Variants in DYRK1A observed in about 807,000 individuals in gnomAD.
The protein encoded by DYRK1A is dual specificity tyrosine phosphorylation regulated kinase 1A, also known as dual specificity tyrosine-phosphorylation-regulated kinase 1A.
A neutral mutation model predicts 79.7 loss-of-function variants in DYRK1A; 9 were observed. That is an observed-to-expected ratio of 0.11 (90% CI 0.07 to 0.20). The LOEUF (loss-of-function observed/expected upper bound fraction) is 0.20. Ranked by LOEUF, DYRK1A falls within the 10% of genes least tolerant of loss-of-function variation. DYRK1A has a pLI of 1.00. For synonymous variants in DYRK1A, 349 were observed against 329.7 expected (o/e 1.06, Z -0.63); for missense variants, 622 against 956.0 (o/e 0.65, Z 4.61).
chr21:37,428,542 A>G (rs1321914733), intron 2 of DYRK1A, among the ~76,000 whole-genome samples: 2 of 152,198 alleles, frequency 1.3e-5, no homozygotes, highest in Non-Finnish European at 2.9e-5. Flanking sequence ...TAAAAGGAAC[A>G]TGTGTTCTTA....
At chr21:37,473,013 A>G in intron 3 of DYRK1A, 133 bp downstream of exon 3, 1 of 672,294 alleles carries the variant, frequency 1.5e-6, no homozygotes, top group East Asian at 3.2e-5. Context: ...GATTGGGAAA[A>G]CATGTTAAGA....
intron 1 of DYRK1A, among the ~76,000 whole-genome samples, chr21:37,401,022 T>C (rs1050449134): frequency 1.1e-4 from 16 of 151,990 alleles, no homozygotes; most frequent in Admixed American, 8.5e-4. Context: ...TGCACACTTG[T>C]AGTCCCAGCT....
intron 2 of DYRK1A, among the ~76,000 whole-genome samples, chr21:37,435,902 A>T (rs2050910665): frequency 6.6e-6 from 1 of 152,148 alleles, no homozygotes. Flanking sequence ...TACTTTTCTA[A>T]TTGAAGTCAG....
intron 2 of DYRK1A, among the ~76,000 whole-genome samples, chr21:37,440,092 T>A (rs1313662681): frequency 6.6e-6 from 1 of 150,522 alleles, no homozygotes; most frequent in Non-Finnish European, 1.5e-5. Flanking sequence ...TCTGGATCCT[T>A]ATTTTTGTTA....
At chr21:37,489,137 A>T (rs1569374283) in intron 6 of DYRK1A, among the ~76,000 whole-genome samples, 1 of 152,174 alleles carries the variant, frequency 6.6e-6, no homozygotes, top group Admixed American at 6.6e-5. Context: ...CAATGTATCC[A>T]CAGTTCTTAG....
At chr21:37,408,488 G>C (rs2050188261) in intron 1 of DYRK1A, among the ~76,000 whole-genome samples, 1 of 152,156 alleles carries the variant, frequency 6.6e-6, no homozygotes. Context: ...TTTTAGAAAA[G>C]AGACTTAGTA....
In DYRK1A at chr21:37,519,050, T is replaced by C. The variant is rs891471858; in HGVS notation, c.*6519T>C. ...AGGCAGAAATTGCCAGATGTAAGTA[T>C]ATAAAACTTACACAGTTTGTTCCTT... On this transcript the variant is annotated 3_prime_UTR_variant, in exon 12 of 12. Transcript: ENST00000647188. The C allele has an allele frequency of 3.3e-5, 5 of 152,240 alleles. No homozygotes were observed. Among genetic ancestry groups the C allele is most frequent in the African/African-American group, 1.2e-4 (5 of 41,468 alleles). 9.4% of individuals were successfully genotyped at this position (152,240 alleles called of 1,614,324 possible).
At chr21:37,371,254 C>A (rs929339117) in intron 1 of DYRK1A, among the ~76,000 whole-genome samples, 1 of 152,116 alleles carries the variant, frequency 6.6e-6, no homozygotes, top group Non-Finnish European at 1.5e-5. Flanking sequence ...CTAAAATAAT[C>A]ATTGAAGGTT....
intron 1 of DYRK1A, among the ~76,000 whole-genome samples, chr21:37,414,594 G>A (rs1338129062): frequency 2.6e-5 from 4 of 152,030 alleles, no homozygotes; most frequent in Admixed American, 6.6e-5. Flanking sequence ...TATAAAAGTT[G>A]GCTTTACATA....
At chr21:37,417,519 TTTTCTTTTTC>T (rs2050369560) in intron 1 of DYRK1A, among the ~76,000 whole-genome samples, 3 of 70,326 alleles carry the variant, frequency 4.3e-5, no homozygotes, top group Non-Finnish European at 8.1e-5. Context: ...TTCTTTTTCT[TTTTCTTTTTC>T]TTTTTTTTTT....
At chr21:37,397,299 C>T (rs1372622788) in intron 1 of DYRK1A, among the ~76,000 whole-genome samples, 4 of 152,018 alleles carry the variant, frequency 2.6e-5, no homozygotes, top group Non-Finnish European at 5.9e-5. Context: ...GACCCTTTTT[C>T]CTCATTTTTG....
At chr21:37,489,136 C>CA (rs2052984279) in intron 6 of DYRK1A, among the ~76,000 whole-genome samples, 1 of 152,110 alleles carries the variant, frequency 6.6e-6, no homozygotes, top group South Asian at 2.1e-4. Flanking sequence ...ACAATGTATC[C>CA]ACAGTTCTTA....
intron 2 of DYRK1A, among the ~76,000 whole-genome samples, chr21:37,450,599 C>T (rs2148500383): frequency 6.6e-6 from 1 of 152,298 alleles, no homozygotes; most frequent in African/African-American, 2.4e-5. Context: ...GCAGAGAAGT[C>T]ATTCTGATAC....
chr21:37,430,806 T>G (rs1294034445), intron 2 of DYRK1A, among the ~76,000 whole-genome samples: 3 of 152,196 alleles, frequency 2.0e-5, no homozygotes, highest in Admixed American at 6.5e-5. Flanking sequence ...GACTGTTCAC[T>G]TGTGTTTGAG....
chr21:37,490,050 C>T, intron 6 of DYRK1A, 125 bp from the exon 7 acceptor site: 1 of 987,998 alleles, frequency 1.0e-6, no homozygotes, highest in Non-Finnish European at 1.5e-6. Flanking sequence ...AAATGCTGAT[C>T]TCCAAACTTT....
Position 37,478,147 on chromosome 21 carries a change from T to A in DYRK1A, c.208-61T>A, listed in dbSNP as rs201425594. ...TACAGAAGAGGGAATTTATATCTTA[T>A]AGTTAAAGTGCTAGTCTTTTCTGTC... On this transcript the variant is annotated intron_variant, in intron 3 of 11. Coordinates refer to ENST00000647188, the MANE Select transcript of DYRK1A (RefSeq NM_001347721.2). 10 of 1,605,268 alleles carry A rather than the reference T, an allele frequency of 6.2e-6. No individual in the cohort carries two copies. In the East Asian group the frequency reaches 1.6e-4, roughly 25 times the overall value.
intron 1 of DYRK1A, among the ~76,000 whole-genome samples, chr21:37,390,862 G>A (rs1026409759): frequency 6.6e-6 from 1 of 152,152 alleles, no homozygotes; most frequent in Non-Finnish European, 1.5e-5. Flanking sequence ...GAGCCACCAC[G>A]CCCGGCCTGT....
intron 2 of DYRK1A, chr21:37,425,582 A>G (rs1478033485): frequency 2.6e-5 from 4 of 152,226 alleles, no homozygotes; most frequent in African/African-American, 9.6e-5. Context: ...ATTTATATTC[A>G]TGATTTTGGA....
At position 37,414,234 on chromosome 21, in the gene DYRK1A, A is replaced by AT. The variant is rs1395672154; in HGVS notation, c.-76-6059dup. On this transcript the variant is annotated intron_variant, in intron 1 of 11. Coordinates refer to ENST00000647188, the MANE Select transcript of DYRK1A (RefSeq NM_001347721.2). ...CTGAGAATACAGAAAGGAGAAGTGG[A>AT]TTTTTTCTCTGTTTTTCCTCCCTTT... is the stretch of plus-strand genomic sequence containing the variant. 2.7e-5 allele frequency among the ~76,000 whole-genome samples: 4 copies of AT among 145,836 alleles called. No homozygotes were observed. The East Asian group carries it at 8.8e-4, about 32-fold the overall frequency.
Sources: allele counts gnomAD v4.1 joint callset (sites outside exome capture counted in the v4.1 genomes callset), GRCh38; gene constraint gnomAD v4.1.1; transcripts MANE v1.5; gene names NCBI Gene and HGNC (gene_info 2026-07-23, HGNC 2026-07-21).